Variants in TIAM2 observed in about 807,000 individuals in gnomAD.
TIAM2 encodes the protein TIAM Rac1 associated GEF 2.
TIAM2 carries 80 observed loss-of-function variants against 152.9 expected under a neutral mutation model. The observed-to-expected ratio is 0.52, with a 90% CI of 0.44 to 0.63. The LOEUF is 0.63. Among genes scored for constraint, TIAM2 ranks in the 30% least tolerant of loss-of-function variants. The pLI is 0.00. For synonymous variants in TIAM2, 804 were observed against 838.0 expected (o/e 0.96, Z 0.70); for missense variants, 1,965 against 2,120.1 (o/e 0.93, Z 1.44).
intron 7 of TIAM2, 100 bp from the exon 8 acceptor site, chr6:155,164,315 A>C: frequency 8.4e-7 from 1 of 1,187,606 alleles, no homozygotes; most frequent in Non-Finnish European, 1.2e-6. Flanking sequence ...GACCAGCCGA[A>C]ACTAATTTTT....
chr6:155,057,586 G>T (rs1777484575), intron 1 of TIAM2, among the ~76,000 whole-genome samples: 1 of 112,740 alleles, frequency 8.9e-6, no homozygotes, highest in South Asian at 2.9e-4. Flanking sequence ...TCGCGCTGTT[G>T]CCCAGGCTGG....
intron 15 of TIAM2, among the ~76,000 whole-genome samples, chr6:155,239,131 T>C (rs4571578): frequency 0.98 from 149,366 of 152,324 alleles, 73,278 homozygotes; most frequent in Middle Eastern, 1. Context: ...AAATGAATTA[T>C]GTGAATATTA....
intron 26 of TIAM2, chr6:155,254,806 A>C: frequency 3.8e-6 from 2 of 523,100 alleles, no homozygotes; most frequent in Non-Finnish European, 3.4e-6. Flanking sequence ...GTCCAAATGT[A>C]CGATTTTGTT....
At chr6:154,997,502 T>C (rs1184106242) in intron 1 of TIAM2, among the ~76,000 whole-genome samples, 1 of 152,074 alleles carries the variant, frequency 6.6e-6, no homozygotes, top group African/African-American at 2.4e-5. Flanking sequence ...TAACCAAAAG[T>C]ACAGTATGGG....
intron 1 of TIAM2, among the ~76,000 whole-genome samples, chr6:155,054,769 T>C (rs1035361515): frequency 6.6e-6 from 1 of 152,084 alleles, no homozygotes; most frequent in Admixed American, 6.6e-5. Flanking sequence ...TGCCGTGATA[T>C]TGGTCAATAA....
At position 155,137,252 on chromosome 6, in the gene TIAM2, T is replaced by C. The variant is rs747391134; in HGVS notation, c.1270T>C (p.Ser424Pro). 1 of 1,614,094 alleles carries C rather than the reference T, an allele frequency of 6.2e-7. No individual in the cohort carries two copies. The highest frequency in any genetic ancestry group is 1.7e-5 in the Admixed American group (1 of 60,000). ...DGLNTDVQGS[S>P]QASAFLWSGG... The stretch of plus-strand genomic sequence containing the variant: ...ACTGAATACAGATGTGCAGGGATCC[T>C]CCCAGGCATCTGCTTTTCTGTGGTC... The change falls in exon 5 of 27, where the codon TCC becomes CCC. Residue 424 changes from serine (S) to proline (P), a missense_variant. Physicochemically the swap from Ser to Pro is moderately conservative, Grantham distance 74 (BLOSUM62 -1). Around this residue, in one of 3 missense-constraint regions of TIAM2, gnomAD observed 1,025 missense variants for 1,119.4 expected, o/e 0.92. Transcript: ENST00000682666.
intron 14 of TIAM2, among the ~76,000 whole-genome samples, chr6:155,196,284 G>C (rs577717616): frequency 1.3e-5 from 2 of 152,282 alleles, no homozygotes; most frequent in Admixed American, 6.5e-5. Flanking sequence ...GATGGGTGTG[G>C]AGCAGCTTTG....
chr6:155,059,282 C>CTCTGTGTG (rs754941565), intron 1 of TIAM2, among the ~76,000 whole-genome samples: 23 of 144,206 alleles, frequency 1.6e-4, no homozygotes, highest in African/African-American at 5.0e-4. Context: ...ATGTCCCTTT[C>CTCTGTGTG]TGTGTGTGTG....
intron 2 of TIAM2, among the ~76,000 whole-genome samples, chr6:155,092,724 G>A (rs1457311462): frequency 1.3e-5 from 2 of 151,906 alleles, no homozygotes; most frequent in Non-Finnish European, 2.9e-5. Flanking sequence ...GCTTGGTAGT[G>A]CATGTCTGTA....
rs1269641607 is a variant in TIAM2, at chr6:155,136,902, C to T, written c.1195-275C>T. Reference sequence around the variant, plus strand: ...GTTGTAAACATACTAGTTAATTTCTCGATGCTAAGCATAGGTTAGATTTAG... The same window carrying T: ...GTTGTAAACATACTAGTTAATTTCTTGATGCTAAGCATAGGTTAGATTTAG... On this transcript the variant is annotated intron_variant, in intron 4 of 26. Transcript: ENST00000682666. Among the ~76,000 whole-genome samples, 13 of 152,228 alleles carry T rather than the reference C, an allele frequency of 8.5e-5. No homozygotes were observed. In the South Asian group the frequency reaches 2.3e-3, roughly 27 times the overall value.
At chr6:155,113,793 A>G (rs1778922206) in intron 2 of TIAM2, among the ~76,000 whole-genome samples, 1 of 151,672 alleles carries the variant, frequency 6.6e-6, no homozygotes, top group Admixed American at 6.6e-5. Flanking sequence ...GAGAGCAGGG[A>G]TACTTCTTTG....
At chr6:155,178,699 C>T (rs939403469) in intron 10 of TIAM2, among the ~76,000 whole-genome samples, 2 of 152,064 alleles carry the variant, frequency 1.3e-5, no homozygotes, top group South Asian at 2.1e-4. Context: ...CTCAGCCTCC[C>T]GAGTAGCTAG....
At chr6:155,020,163 A>G (rs1776447634) in intron 1 of TIAM2, among the ~76,000 whole-genome samples, 1 of 152,188 alleles carries the variant, frequency 6.6e-6, no homozygotes, top group Non-Finnish European at 1.5e-5. Flanking sequence ...GCCTTGCCTA[A>G]GTCCTGAACT....
intron 2 of TIAM2, among the ~76,000 whole-genome samples, chr6:155,108,367 A>T (rs936496411): frequency 6.6e-6 from 1 of 152,154 alleles, no homozygotes; most frequent in Non-Finnish European, 1.5e-5. Context: ...TTCATCTAAA[A>T]AATGCGGCTC....
At chr6:155,251,903 T>G (rs758250272) in intron 22 of TIAM2, 42 bp from the exon 23 acceptor site, 19 of 1,504,658 alleles carry the variant, frequency 1.3e-5, no homozygotes, top group South Asian at 1.0e-4. Flanking sequence ...TTGGAAGAGT[T>G]TGCATAAAAT....
At position 155,105,488 on chromosome 6, in the gene TIAM2, G is replaced by A. The variant is rs147255128; in HGVS notation, c.-118+15109G>A. 4.1e-3 allele frequency among the ~76,000 whole-genome samples: 627 copies of A among 152,050 alleles called. 6 individuals are homozygous for A. Among genetic ancestry groups the A allele is most frequent in the African/African-American group, 0.014 (561 of 41,464 alleles). ...TATTTTTACTTTTTGTAGAGATAGG[G>A]TCTCCCTATGTTGTCCAGGGTGGTC... On this transcript the variant is annotated intron_variant, in intron 2 of 26. Coordinates refer to ENST00000682666, the MANE Select transcript of TIAM2 (RefSeq NM_012454.4).
chr6:155,108,649 T>TGGAAGTGCGAGATAAGC (rs1160372433), intron 2 of TIAM2, among the ~76,000 whole-genome samples: 1 of 152,202 alleles, frequency 6.6e-6, no homozygotes, highest in Non-Finnish European at 1.5e-5. Context: ...GAAGGATGCC[T>TGGAAGTGCGAGATAAGC]GGAAGTGCGA....
At chr6:155,164,320 A>T in intron 7 of TIAM2, 95 bp from the exon 8 acceptor site, 1 of 1,268,934 alleles carries the variant, frequency 7.9e-7, no homozygotes, top group African/African-American at 1.5e-5. Flanking sequence ...GCCGAAACTA[A>T]TTTTTTCTTC....
chr6:155,179,476 C>T lies in TIAM2; in HGVS notation c.2707+20C>T. On this transcript the variant is annotated intron_variant, in intron 12 of 26. Transcript: ENST00000682666. ...ACTTTGGTGAGTGTAAGGAATGCCC[C>T]TTTCAGGGAATTGTGTTGTTCATCT... 1.3e-6 allele frequency: 2 copies of T among 1,585,202 alleles called. No homozygotes were observed. Among genetic ancestry groups the T allele is most frequent in the Middle Eastern group, 1.7e-4 (1 of 5,932 alleles).
Sources: allele counts gnomAD v4.1 joint callset (sites outside exome capture counted in the v4.1 genomes callset), GRCh38; gene constraint gnomAD v4.1.1; regional missense constraint gnomAD v4.1.1; transcripts MANE v1.5; gene names NCBI Gene and HGNC (gene_info 2026-07-23, HGNC 2026-07-21).